USP3: variants seen among roughly 807,000 people sequenced by gnomAD.
The protein encoded by USP3 is ubiquitin specific peptidase 3.
A neutral mutation model predicts 72.3 loss-of-function variants in USP3; 20 were observed. That is an observed-to-expected ratio of 0.28 (90% CI 0.19 to 0.40). The LOEUF (loss-of-function observed/expected upper bound fraction) is 0.40, where lower values mean the gene tolerates loss of function less well. USP3 is among the 10% of genes least tolerant of loss of function. The pLI, the probability that USP3 is intolerant of heterozygous loss-of-function variation, is 1.00. For synonymous variants in USP3, 222 were observed against 225.3 expected (o/e 0.99, Z 0.13); for missense variants, 479 against 633.9 (o/e 0.76, Z 2.62).
chr15:63,504,754 C>G lies in USP3; in HGVS notation c.15C>G (p.His5Gln). Residue 5 changes from histidine (H) to glutamine (Q), a missense_variant, in exon 1 of 15, where the codon CAC becomes CAG. Physicochemically the swap from His to Gln is conservative, Grantham distance 24. Coordinates refer to ENST00000380324, the MANE Select transcript of USP3 (RefSeq NM_006537.4). ...TCCTCGTGGCCATGGAGTGTCCACA[C>G]CTGAGCTCCAGCGTCTGCATTGCTC... Reference protein sequence around the residue: MECPHLSSSVCIAPD... With the variant: MECPQLSSSVCIAPD... 1 of 1,611,140 alleles carries G rather than the reference C, an allele frequency of 6.2e-7. No individual in the cohort carries two copies. The highest frequency in any genetic ancestry group is 8.5e-7 in the Non-Finnish European group (1 of 1,178,834).
At chr15:63,567,496 G>A (rs2066710267) in intron 8 of USP3, among the ~76,000 whole-genome samples, 1 of 152,116 alleles carries the variant, frequency 6.6e-6, no homozygotes, top group South Asian at 2.1e-4. Flanking sequence ...ACAGGCGCCT[G>A]CAACCACGCC....
chr15:63,527,056 G>A (rs1431731900), intron 1 of USP3, among the ~76,000 whole-genome samples: 9 of 152,108 alleles, frequency 5.9e-5, no homozygotes, highest in Non-Finnish European at 8.8e-5. Context: ...CACCATGCCC[G>A]CCTAATCTTT....
intron 8 of USP3, among the ~76,000 whole-genome samples, chr15:63,565,481 CAT>C (rs958315630): frequency 1.1e-4 from 17 of 152,274 alleles, no homozygotes; most frequent in Admixed American, 1.1e-3. Flanking sequence ...TAGGCAAAAA[CAT>C]ATGTGGTTCA....
intron 8 of USP3, among the ~76,000 whole-genome samples, chr15:63,569,100 T>C (rs892064347): frequency 6.6e-6 from 1 of 152,168 alleles, no homozygotes; most frequent in Non-Finnish European, 1.5e-5. Flanking sequence ...TTAGGTTATT[T>C]TGGGGAGAGA....
At chr15:63,512,310 CT>C (rs2065796081) in intron 1 of USP3, among the ~76,000 whole-genome samples, 4 of 141,568 alleles carry the variant, frequency 2.8e-5, no homozygotes, top group Non-Finnish European at 3.0e-5. Context: ...TCCTCCTCTT[CT>C]TCTTCTTCCT....
At chr15:63,511,287 CTT>C (rs2065778543) in intron 1 of USP3, among the ~76,000 whole-genome samples, 1 of 15,650 alleles carries the variant, frequency 6.4e-5, no homozygotes, top group Non-Finnish European at 1.9e-4. Context: ...AAAAAAGAGT[CTT>C]TATTTTGTTA....
At chr15:63,548,978 GAA>G (rs1402523796) in intron 3 of USP3, among the ~76,000 whole-genome samples, 1 of 152,112 alleles carries the variant, frequency 6.6e-6, no homozygotes, top group African/African-American at 2.4e-5. Flanking sequence ...ATATAAAAGA[GAA>G]ATAATTCAAG....
intron 11 of USP3, chr15:63,587,928 T>C (rs1486940337): frequency 6.4e-6 from 1 of 157,208 alleles, no homozygotes; most frequent in African/African-American, 2.4e-5. Context: ...AATTTGACTT[T>C]TTTTTATGAG....
intron 1 of USP3, among the ~76,000 whole-genome samples, chr15:63,509,473 A>G (rs2065755093): frequency 1.3e-5 from 2 of 152,162 alleles, no homozygotes; most frequent in Admixed American, 6.5e-5. Flanking sequence ...CAGTGTTGTT[A>G]TCACAATGAA....
chr15:63,580,632 A>C (rs1248933933), intron 11 of USP3, among the ~76,000 whole-genome samples: 1 of 99,592 alleles, frequency 1.0e-5, no homozygotes, highest in East Asian at 2.0e-4. Flanking sequence ...AGAGTTTCAG[A>C]AAGTGGTGCA....
In USP3 at chr15:63,588,851, G is replaced by C. The variant is rs2067127115; in HGVS notation, c.1329+36G>C. The stretch of plus-strand genomic sequence containing the variant: ...TACCTTTTTAGCATGGTGAAAAAAT[G>C]GCTCTTCAGTAAGATTGTCATCACA... On this transcript the variant is annotated intron_variant, in intron 13 of 14. Transcript: ENST00000380324. This position sits in a 1 kb window ranked among gnomAD's most constrained non-coding sequence, Gnocchi z 4.6. 1 of 1,609,672 alleles carries C rather than the reference G, an allele frequency of 6.2e-7. No individual in the cohort carries two copies. The highest frequency in any genetic ancestry group is 8.5e-7 in the Non-Finnish European group (1 of 1,176,132).
Position 63,585,355 on chromosome 15 carries a change from A to G in USP3, c.1097-2950A>G, listed in dbSNP as rs977340176. 4.6e-5 allele frequency among the ~76,000 whole-genome samples: 7 copies of G among 152,308 alleles called. No individual in the cohort carries two copies. The East Asian group carries it at 1.3e-3, about 29-fold the overall frequency. On this transcript the variant is annotated intron_variant, in intron 11 of 14. Coordinates refer to ENST00000380324, the MANE Select transcript of USP3 (RefSeq NM_006537.4). ...TTAACAACATCAAGTCTTCCAGTCT[A>G]TGAATGCAGGATGTCTTTAAAAATT...
chr15:63,557,139 C>T (rs940322347), intron 5 of USP3, among the ~76,000 whole-genome samples: 4 of 152,326 alleles, frequency 2.6e-5, no homozygotes, highest in South Asian at 4.1e-4. Context: ...GGCGCAGTCT[C>T]GGCTCACTGG....
At chr15:63,562,741 A>T (rs889759141) in intron 7 of USP3, among the ~76,000 whole-genome samples, 154 bp from the exon 8 acceptor site, 1 of 152,184 alleles carries the variant, frequency 6.6e-6, no homozygotes, top group South Asian at 2.1e-4. Flanking sequence ...GGTTTTTGAG[A>T]TGCTCTTATG....
At chr15:63,508,584 C>T (rs1323310663) in intron 1 of USP3, among the ~76,000 whole-genome samples, 1 of 152,174 alleles carries the variant, frequency 6.6e-6, no homozygotes, top group Admixed American at 6.5e-5. Flanking sequence ...AAAGGGCATT[C>T]TCTCAAGCTT....
At chr15:63,555,692 A>G (rs1339573364) in intron 4 of USP3, among the ~76,000 whole-genome samples, 1 of 152,212 alleles carries the variant, frequency 6.6e-6, no homozygotes, top group African/African-American at 2.4e-5. Context: ...CCCACTTCAC[A>G]GAATTTGTGA....
chr15:63,526,574 G>T (rs141155881), intron 1 of USP3, among the ~76,000 whole-genome samples: 31 of 152,304 alleles, frequency 2.0e-4, no homozygotes, highest in Middle Eastern at 3.4e-3. Context: ...TTTAAAAATT[G>T]TGTAGGCGGG....
chr15:63,506,987 G>T (rs920852485), intron 1 of USP3, among the ~76,000 whole-genome samples: 1 of 152,088 alleles, frequency 6.6e-6, no homozygotes, highest in Non-Finnish European at 1.5e-5. Context: ...TTGTTCTTGC[G>T]TGCCTGTCGT....
Position 63,504,707 on chromosome 15 carries a change from G to C in USP3, c.-33G>C. 6.4e-7 allele frequency: 1 copy of C among 1,564,742 alleles called. No homozygotes were observed. Among genetic ancestry groups the C allele is most frequent in the Non-Finnish European group, 8.7e-7 (1 of 1,153,376 alleles). On this transcript the variant is annotated 5_prime_UTR_variant, in exon 1 of 15. Transcript: ENST00000380324. ...CGCCCCCACCTCGCCGGGTCCTGGA[G>C]CCGCAGTCCTCCCAGCTGCCCTCCT...
Sources: allele counts gnomAD v4.1 joint callset (sites outside exome capture counted in the v4.1 genomes callset), GRCh38; gene constraint gnomAD v4.1.1; non-coding constraint Gnocchi (gnomAD v3.1); transcripts MANE v1.5; gene names NCBI Gene and HGNC (gene_info 2026-07-23, HGNC 2026-07-21).